The following SP3 variants were observed in gnomAD, a reference collection of about 807,000 sequenced individuals.
SP3 encodes the protein Sp3 transcription factor.
In SP3, 10 loss-of-function variants were observed where a neutral mutation model predicts 70.3. That is an observed-to-expected ratio of 0.14 (90% CI 0.09 to 0.24). The LOEUF is 0.24. Among genes scored for constraint, SP3 ranks in the 10% least tolerant of loss-of-function variants. The pLI is 1.00. For missense variants in SP3, 825 were observed against 914.6 expected, an observed-to-expected ratio of 0.90 and a Z score of 1.26; for synonymous variants, 402 against 333.5, an observed-to-expected ratio of 1.21 and a Z score of -2.24.
rs551623623 is a variant in SP3, at chr2:173,950,793, C to T, written c.1639+4080G>A. 4.7e-4 allele frequency among the ~76,000 whole-genome samples: 72 copies of T among 152,150 alleles called. 1 individual carries two copies. Among genetic ancestry groups the T allele is most frequent in the Admixed American group, 1.4e-3 (21 of 15,268 alleles). On this transcript the variant is annotated intron_variant, in intron 4 of 6. Coordinates refer to ENST00000310015, the MANE Select transcript of SP3 (RefSeq NM_003111.5). ...TTTCTAGTGAGAAAAAGCATCTTAA[C>T]ATATCTCCCTTCTTGCCAATTAGAA...
At chr2:173,965,583 C>G (rs1427411191), upstream of SP3, 2 of 214,800 alleles carry the variant, frequency 9.3e-6, no homozygotes, top group African/African-American at 4.7e-5. Flanking sequence ...CCCGCTGTGC[C>G]CGCCTCCCTC....
chr2:173,911,099 T>TAC (rs992980464), intron 6 of SP3, among the ~76,000 whole-genome samples: 1 of 152,244 alleles, frequency 6.6e-6, no homozygotes, highest in African/African-American at 2.4e-5. Context: ...ACCTCTACTC[T>TAC]ACATAGGTCT....
chr2:173,965,444 T>C, upstream of SP3: 2 of 487,492 alleles, frequency 4.1e-6, no homozygotes, highest in South Asian at 2.5e-5. Context: ...GCTGTGCTCA[T>C]TGGTCCAGGC....
At position 173,954,861 on chromosome 2, in the gene SP3, C is replaced by T. The variant is rs1257080188; in HGVS notation, c.1639+12G>A. ...TGAACTTATTTATGGCATGACATAA[C>T]TTAAGACTCACCTGCAGGACTGTCA... On this transcript the variant is annotated intron_variant, in intron 4 of 6. Coordinates refer to ENST00000310015, the MANE Select transcript of SP3 (RefSeq NM_003111.5). 6.2e-7 allele frequency: 1 copy of T among 1,607,628 alleles called. No homozygotes were observed. The highest frequency in any genetic ancestry group is 1.1e-5 in the South Asian group (1 of 90,832).
intron 4 of SP3, among the ~76,000 whole-genome samples, chr2:173,925,268 T>A (rs147562953): frequency 6.6e-6 from 1 of 152,198 alleles, no homozygotes; most frequent in African/African-American, 2.4e-5. Context: ...TGAAATCCTG[T>A]CACACGCTAC....
At chr2:173,942,456 C>T (rs1690400519) in intron 4 of SP3, among the ~76,000 whole-genome samples, 1 of 152,164 alleles carries the variant, frequency 6.6e-6, no homozygotes, top group Admixed American at 6.5e-5. Flanking sequence ...ATCCCAGCTA[C>T]TTGGGAGGCT....
chr2:173,956,338 T>A (rs1690892848), intron 3 of SP3, 106 bp from the exon 4 acceptor site: 1 of 1,190,552 alleles, frequency 8.4e-7, no homozygotes, highest in Admixed American at 2.7e-5. Flanking sequence ...ATTCAACTTA[T>A]CTTAAAACAC....
chr2:173,964,086 C>T, intron 2 of SP3: 2 of 347,662 alleles, frequency 5.8e-6, no homozygotes, highest in Non-Finnish European at 1.0e-5. Flanking sequence ...CCAAGCACCC[C>T]GGCTCCCCGG....
chr2:173,964,932 C>G (rs1352189350), intron 1 of SP3: 5 of 546,882 alleles, frequency 9.1e-6, no homozygotes, highest in Non-Finnish European at 1.6e-5. Context: ...TCCCGGCGGA[C>G]CGGGCCGCCC....
At chr2:173,920,818 T>C (rs1423927845) in intron 4 of SP3, among the ~76,000 whole-genome samples, 1 of 152,062 alleles carries the variant, frequency 6.6e-6, no homozygotes, top group African/African-American at 2.4e-5. Context: ...CTCGAACTCC[T>C]GACCTCAAGT....
intron 4 of SP3, among the ~76,000 whole-genome samples, chr2:173,943,190 C>G (rs1441348311): frequency 6.6e-6 from 1 of 152,180 alleles, no homozygotes; most frequent in Non-Finnish European, 1.5e-5. Context: ...CTATTTAAAA[C>G]CTGCCAATGT....
At position 173,906,081 on chromosome 2, in the gene SP3, T is replaced by C. The variant is rs1434742234; in HGVS notation, c.*3860A>G. 6.6e-6 allele frequency among the ~76,000 whole-genome samples: 1 copy of C among 152,120 alleles called. No homozygotes were observed. The highest frequency in any genetic ancestry group is 1.5e-5 in the Non-Finnish European group (1 of 68,008). ...GGATTCCAAAAAGACTAGGAATCACTGACAAAAAAAATTCTTCTCTTTTGC... is the reference window on the plus strand; with the variant it reads ...GGATTCCAAAAAGACTAGGAATCACCGACAAAAAAAATTCTTCTCTTTTGC... On this transcript the variant is annotated 3_prime_UTR_variant, in exon 7 of 7. Transcript: ENST00000310015.
intron 5 of SP3, chr2:173,916,387 GA>G (rs1689619252): frequency 6.6e-6 from 1 of 151,978 alleles, no homozygotes; most frequent in East Asian, 1.9e-4. Flanking sequence ...GTAAGTGATG[GA>G]ACTGTTTCTT....
chr2:173,933,669 T>TATATATATATATATAA (rs1690134280), intron 4 of SP3, among the ~76,000 whole-genome samples: 1 of 140,954 alleles, frequency 7.1e-6, no homozygotes, highest in African/African-American at 2.7e-5. Flanking sequence ...TATATATATA[T>TATATATATATATATAA]ATAAAAGTTA....
chr2:173,946,549 G>T (rs186569880), intron 4 of SP3, among the ~76,000 whole-genome samples: 10 of 152,064 alleles, frequency 6.6e-5, no homozygotes, highest in Admixed American at 2.0e-4. Context: ...ACAGTAGTCA[G>T]TTCAATAAAG....
intron 3 of SP3, among the ~76,000 whole-genome samples, chr2:173,958,270 GTTTTT>G (rs5836443): frequency 7.3e-6 from 1 of 137,892 alleles, no homozygotes; most frequent in Non-Finnish European, 1.6e-5. Context: ...CACCTAAAGT[GTTTTT>G]TTTTTTTTTT....
intron 4 of SP3, among the ~76,000 whole-genome samples, chr2:173,952,157 C>T (rs1460413532): frequency 6.6e-6 from 1 of 150,404 alleles, no homozygotes; most frequent in African/African-American, 2.5e-5. Flanking sequence ...ATCTCAAGAC[C>T]ACAGTTTATC....
At chr2:173,953,781 A>AACG (rs1286731691) in intron 4 of SP3, among the ~76,000 whole-genome samples, 2 of 73,514 alleles carry the variant, frequency 2.7e-5, no homozygotes, top group Non-Finnish European at 6.3e-5. Context: ...AAACAAAACA[A>AACG]AACAAAAAAA....
intron 4 of SP3, among the ~76,000 whole-genome samples, chr2:173,941,617 G>T (rs550976587): frequency 2.6e-5 from 4 of 152,016 alleles, no homozygotes; most frequent in Non-Finnish European, 5.9e-5. Context: ...GAAAAGAAAG[G>T]GATAAGCATT....
Sources: allele counts gnomAD v4.1 joint callset (sites outside exome capture counted in the v4.1 genomes callset), GRCh38; gene constraint gnomAD v4.1.1; transcripts MANE v1.5; gene names NCBI Gene and HGNC (gene_info 2026-07-23, HGNC 2026-07-21).